The following ITGA11 variants were observed in gnomAD, a reference collection of about 807,000 sequenced individuals.
ITGA11 encodes integrin alpha-11.
Under a neutral mutation model 141.9 loss-of-function variants are expected in ITGA11, and 97 were observed. The observed-to-expected ratio is 0.68, with a 90% CI of 0.58 to 0.81. ITGA11 has a LOEUF of 0.81. ITGA11 is among the 30% of genes least tolerant of loss of function. The pLI is 0.00. For missense variants in ITGA11, 1,387 were observed against 1,559.2 expected (o/e 0.89, Z 1.86); for synonymous variants, 658 against 624.6 (o/e 1.05, Z -0.80).
intron 2 of ITGA11, among the ~76,000 whole-genome samples, chr15:68,376,465 T>C (rs1314918867): frequency 6.6e-6 from 1 of 152,266 alleles, no homozygotes; most frequent in South Asian, 2.1e-4. Context: ...CCAAGGGAGC[T>C]AGGATCTTGC....
chr15:68,428,130 C>T (rs1254503712), intron 1 of ITGA11, among the ~76,000 whole-genome samples: 1 of 152,162 alleles, frequency 6.6e-6, no homozygotes, highest in Non-Finnish European at 1.5e-5. Flanking sequence ...GACAATAACA[C>T]CCAAAGTCAG....
At chr15:68,347,296 A>G (rs1894771701) in intron 10 of ITGA11, among the ~76,000 whole-genome samples, 1 of 152,220 alleles carries the variant, frequency 6.6e-6, no homozygotes, top group Non-Finnish European at 1.5e-5. Context: ...CATCAGGCTC[A>G]GGACCCAGCA....
chr15:68,330,864 T>C, intron 15 of ITGA11, 117 bp downstream of exon 15: 1 of 1,155,394 alleles, frequency 8.7e-7, no homozygotes, highest in Non-Finnish European at 1.2e-6. Flanking sequence ...ACAGGGTGGG[T>C]CTAGCTGAGG....
At chr15:68,412,774 C>T (rs1434775532) in intron 1 of ITGA11, among the ~76,000 whole-genome samples, 1 of 141,744 alleles carries the variant, frequency 7.1e-6, no homozygotes, top group Non-Finnish European at 1.5e-5. Flanking sequence ...CTCCCAGGTT[C>T]AAGCAATTCT....
Position 68,335,718 on chromosome 15 carries a change from G to T in ITGA11, c.1404C>A (p.His468Gln). The change falls in exon 12 of 30, where the codon CAC becomes CAA. Residue 468 changes from histidine to glutamine, a missense_variant. Transcript: ENST00000315757. The surrounding 1 kb of genome is among the most constrained non-coding windows in gnomAD (Gnocchi z 4.9). Reference protein sequence around the residue: ...TMHNNRSLTIHQAMRGQQIGS... With the variant: ...TMHNNRSLTIQQAMRGQQIGS... ...TTACCTGCTGGCCCCGCATAGCCTG[G>T]TGGATGGTGAGGCTCCGGTTGTTGT... The T allele has an allele frequency of 6.2e-7, 1 of 1,613,840 alleles. No individual in the cohort carries two copies. Among genetic ancestry groups the T allele is most frequent in the East Asian group, 2.2e-5 (1 of 44,878 alleles).
chr15:68,312,633 G>A (rs1893427248), intron 24 of ITGA11, 140 bp downstream of exon 24: 2 of 629,262 alleles, frequency 3.2e-6, no homozygotes, highest in Admixed American at 5.2e-5. Flanking sequence ...GAAGTGACTT[G>A]ACTAAAGTCG....
rs1321924563 is a variant in ITGA11, at chr15:68,301,696, G to A, written c.*1363C>T. 6.6e-6 allele frequency: 1 copy of A among 152,508 alleles called. No homozygotes were observed. The highest frequency in any genetic ancestry group is 1.5e-5 in the Non-Finnish European group (1 of 68,052). 9.4% of individuals were successfully genotyped at this position (152,508 alleles called of 1,614,324 possible). A position where few individuals can be genotyped will look rare whatever the true frequency, so the allele number is the denominator to read the frequency against. On this transcript the variant is annotated 3_prime_UTR_variant, in exon 30 of 30. Transcript: ENST00000315757. This position sits in a 1 kb window ranked among gnomAD's most constrained non-coding sequence, Gnocchi z 4.4. ...GCTCTGCCCACAGAATGGGATGTCAGTGCTTGGTTGTTTTTAAACACTGTA... is the reference window on the plus strand; with the variant it reads ...GCTCTGCCCACAGAATGGGATGTCAATGCTTGGTTGTTTTTAAACACTGTA...
At chr15:68,320,018 G>A (rs543219816) in intron 20 of ITGA11, among the ~76,000 whole-genome samples, 167 bp downstream of exon 20, 1 of 152,138 alleles carries the variant, frequency 6.6e-6, no homozygotes, top group South Asian at 2.1e-4. Context: ...TCAAACTCCT[G>A]GGCTCAAGTG....
rs928419158 is a variant in ITGA11, at chr15:68,324,759, C to T, written c.2322+372G>A. Among the ~76,000 whole-genome samples the T allele has an allele frequency of 1.3e-5, 2 of 152,110 alleles. No individual in the cohort carries two copies. The highest frequency in any genetic ancestry group is 2.9e-5 in the Non-Finnish European group (2 of 68,028). ...AGAACCCCAGGCTCTAAGAGTCACT[C>T]TCTGGTCTCCATTGTCCTCATCTGT... On this transcript the variant is annotated intron_variant, in intron 18 of 29. Coordinates refer to ENST00000315757, the MANE Select transcript of ITGA11 (RefSeq NM_001004439.2). This position sits in a 1 kb window ranked among gnomAD's most constrained non-coding sequence, Gnocchi z 6.3.
chr15:68,427,824 G>A (rs556189814), intron 1 of ITGA11, among the ~76,000 whole-genome samples: 2 of 152,290 alleles, frequency 1.3e-5, no homozygotes, highest in East Asian at 3.9e-4. Flanking sequence ...TGCTGAAGAT[G>A]TGTGGGTGTC....
chr15:68,322,041 A>C lies in ITGA11; in HGVS notation c.2323-538T>G, dbSNP rs1272462330. Among the ~76,000 whole-genome samples, 1 of 152,198 alleles carries C rather than the reference A, an allele frequency of 6.6e-6. No homozygotes were observed. Among genetic ancestry groups the C allele is most frequent in the Non-Finnish European group, 1.5e-5 (1 of 68,040 alleles). On this transcript the variant is annotated intron_variant, in intron 18 of 29. Transcript: ENST00000315757. This position sits in a 1 kb window ranked among gnomAD's most constrained non-coding sequence, Gnocchi z 5.6. ...GGATCAGAGTTCTGAAGGACGGTCA[A>C]GGTAGCTGTGTGGACCGGGATGGAG...
chr15:68,349,667 A>G (rs572540211), intron 9 of ITGA11, among the ~76,000 whole-genome samples: 8 of 152,094 alleles, frequency 5.3e-5, no homozygotes, highest in Non-Finnish European at 8.8e-5. Context: ...TCCTTTTATA[A>G]TCCTCCCATA....
At chr15:68,332,575 T>C (rs925486282) in intron 12 of ITGA11, 97 bp from the exon 13 acceptor site, 2 of 1,413,062 alleles carry the variant, frequency 1.4e-6, no homozygotes, top group Non-Finnish European at 1.9e-6. Context: ...AGGTCATCCT[T>C]TGACTCAGAA....
chr15:68,307,520 G>C lies in ITGA11; in HGVS notation c.3285+66C>G. 1.3e-6 allele frequency: 2 copies of C among 1,516,666 alleles called. No individual in the cohort carries two copies. Among genetic ancestry groups the C allele is most frequent in the Non-Finnish European group, 1.8e-6 (2 of 1,110,590 alleles). 94.0% of individuals were successfully genotyped at this position (1,516,666 alleles called of 1,614,324 possible). A position where few individuals can be genotyped will look rare whatever the true frequency, so the allele number is the denominator to read the frequency against. ...TCCCCTCCCCAGGCAGCCCCAGGTG[G>C]AAGACATCCCAACAGCCGCCCCCTT... On this transcript the variant is annotated intron_variant, in intron 27 of 29. Transcript: ENST00000315757. This position sits in a 1 kb window ranked among gnomAD's most constrained non-coding sequence, Gnocchi z 6.1.
Position 68,326,605 on chromosome 15 carries a change from G to A in ITGA11, c.2211+49C>T. ...ACTCTCTGCCTCTCCCACGGCAGAT[G>A]CTCCTTCCTATAGGAGCTTGGGCTC... On this transcript the variant is annotated intron_variant, in intron 17 of 29. Coordinates refer to ENST00000315757, the MANE Select transcript of ITGA11 (RefSeq NM_001004439.2). The surrounding 1 kb of genome is among the most constrained non-coding windows in gnomAD (Gnocchi z 6.8). 2.6e-6 allele frequency: 4 copies of A among 1,530,166 alleles called. No homozygotes were observed. Among genetic ancestry groups the A allele is most frequent in the Non-Finnish European group, 3.5e-6 (4 of 1,133,980 alleles). The allele number at this position is 1,530,166 out of a possible 1,614,324, so 94.8% of individuals were successfully genotyped here.
chr15:68,374,808 G>A (rs1895687508), intron 2 of ITGA11, among the ~76,000 whole-genome samples: 1 of 152,230 alleles, frequency 6.6e-6, no homozygotes, highest in African/African-American at 2.4e-5. Flanking sequence ...TCCCTGATGG[G>A]CCTCACAGCC....
intron 28 of ITGA11, among the ~76,000 whole-genome samples, chr15:68,306,545 T>A (rs988854991): frequency 1.6e-4 from 24 of 152,230 alleles, no homozygotes; most frequent in Admixed American, 1.6e-3. Flanking sequence ...CCTGTCTGCC[T>A]AATTTATCTC....
In ITGA11 at chr15:68,307,816, G is replaced by T; in HGVS notation, c.3175-120C>A. 2 of 653,826 alleles carry T rather than the reference G, an allele frequency of 3.1e-6. No individual in the cohort carries two copies. Among genetic ancestry groups the T allele is most frequent in the Non-Finnish European group, 5.3e-6 (2 of 376,274 alleles). 40.5% of individuals were successfully genotyped at this position (653,826 alleles called of 1,614,324 possible). A position where few individuals can be genotyped will look rare whatever the true frequency, so the allele number is the denominator to read the frequency against. ...GCAGGGGCAGAGGACAGGGGACAAA[G>T]AGAAAGTTGGGAGTGGGGGACATGT... On this transcript the variant is annotated intron_variant, in intron 26 of 29. Coordinates refer to ENST00000315757, the MANE Select transcript of ITGA11 (RefSeq NM_001004439.2). The surrounding 1 kb of genome is among the most constrained non-coding windows in gnomAD (Gnocchi z 6.1).
In ITGA11 at chr15:68,300,645, C is replaced by T. The variant is rs1893004925; in HGVS notation, c.*2414G>A. On this transcript the variant is annotated 3_prime_UTR_variant, in exon 30 of 30. Transcript: ENST00000315757. ...TGATAACAAATTGAGAGGCTAAGGGCCTTGATACAACTCTCAGTTTGTCCA... is the reference window on the plus strand; with the variant it reads ...TGATAACAAATTGAGAGGCTAAGGGTCTTGATACAACTCTCAGTTTGTCCA... 1 of 152,178 alleles carries T rather than the reference C, an allele frequency of 6.6e-6. No homozygotes were observed. Among genetic ancestry groups the T allele is most frequent in the African/African-American group, 2.4e-5 (1 of 41,434 alleles). 9.4% of individuals were successfully genotyped at this position (152,178 alleles called of 1,614,324 possible).
Sources: allele counts gnomAD v4.1 joint callset (sites outside exome capture counted in the v4.1 genomes callset), GRCh38; gene constraint gnomAD v4.1.1; non-coding constraint Gnocchi (gnomAD v3.1); transcripts MANE v1.5; gene names NCBI Gene and HGNC (gene_info 2026-07-23, HGNC 2026-07-21).